CLDN16: variants seen among roughly 807,000 people sequenced by gnomAD.
The protein encoded by CLDN16 is claudin 16, also known as claudin-16.
Under a neutral mutation model 24.6 loss-of-function variants are expected in CLDN16, and 13 were observed. The ratio of observed to expected loss-of-function variants is 0.53; its 90% confidence interval spans 0.34 to 0.84. The LOEUF (loss-of-function observed/expected upper bound fraction) is 0.84. Among genes scored for constraint, CLDN16 ranks in the 40% least tolerant of loss-of-function variants. The probability of loss-of-function intolerance (pLI) is 0.01; values close to 1 mark genes in which losing one functional copy is unlikely to be tolerated. For synonymous variants in CLDN16, 116 were observed against 106.7 expected (o/e 1.09, Z -0.54); for missense variants, 298 against 292.7 (o/e 1.02, Z -0.13).
intron 1 of CLDN16, among the ~76,000 whole-genome samples, chr3:190,341,304 G>A (rs766131840): frequency 2.0e-5 from 3 of 152,168 alleles, no homozygotes; most frequent in Non-Finnish European, 4.4e-5. Context: ...TGGATATCAA[G>A]GTGTTTCCAT....
At chr3:190,408,763 A>G (rs1050162276) in intron 4 of CLDN16, among the ~76,000 whole-genome samples, 3 of 149,700 alleles carry the variant, frequency 2.0e-5, no homozygotes, top group Non-Finnish European at 4.4e-5. Flanking sequence ...ATCTTGATGT[A>G]TTACAATTAT....
chr3:190,361,872 T>G (rs1198692459), intron 1 of CLDN16, among the ~76,000 whole-genome samples: 2 of 151,920 alleles, frequency 1.3e-5, no homozygotes, highest in Non-Finnish European at 2.9e-5. Flanking sequence ...CCATCTTTCC[T>G]TTTTTTGTTA....
At chr3:190,342,944 G>A (rs1423601934) in intron 1 of CLDN16, among the ~76,000 whole-genome samples, 1 of 152,038 alleles carries the variant, frequency 6.6e-6, no homozygotes, top group African/African-American at 2.4e-5. Flanking sequence ...AGCTACAAAA[G>A]CAAAAGTAAA....
chr3:190,348,215 A>G (rs1323157509), intron 1 of CLDN16, among the ~76,000 whole-genome samples: 1 of 142,326 alleles, frequency 7.0e-6, no homozygotes, highest in Non-Finnish European at 1.5e-5. Flanking sequence ...AGATGGTGCC[A>G]CTACACTCCA....
chr3:190,370,624 G>A (rs896848361), intron 1 of CLDN16, among the ~76,000 whole-genome samples: 2 of 151,870 alleles, frequency 1.3e-5, no homozygotes, highest in Admixed American at 6.6e-5. Flanking sequence ...TTGATTTTAA[G>A]TGCACTCATG....
intron 1 of CLDN16, among the ~76,000 whole-genome samples, chr3:190,342,089 G>A (rs1312702557): frequency 6.6e-6 from 1 of 152,152 alleles, no homozygotes; most frequent in Admixed American, 6.5e-5. Flanking sequence ...ACATCTTCCT[G>A]TCTTCTTCTG....
At chr3:190,363,596 A>ATATATATT (rs1460049752) in intron 1 of CLDN16, among the ~76,000 whole-genome samples, 6 of 131,162 alleles carry the variant, frequency 4.6e-5, no homozygotes, top group Non-Finnish European at 8.1e-5. Flanking sequence ...ATATATATAT[A>ATATATATT]TTTTCTTTCT....
At chr3:190,323,251 C>G (rs1716983277) in intron 1 of CLDN16, among the ~76,000 whole-genome samples, 1 of 152,216 alleles carries the variant, frequency 6.6e-6, no homozygotes, top group Non-Finnish European at 1.5e-5. Context: ...TCAGAGGGAC[C>G]TGGCCAGTGC....
chr3:190,303,518 A>G, the CLDN16 span, among the ~76,000 whole-genome samples: 1 of 151,928 alleles, frequency 6.6e-6, no homozygotes, highest in African/African-American at 2.4e-5. Flanking sequence ...TTTTTTTTCT[A>G]TTTTGGAAAA....
At chr3:190,395,029 T>C (rs1718780918) in intron 1 of CLDN16, among the ~76,000 whole-genome samples, 1 of 152,054 alleles carries the variant, frequency 6.6e-6, no homozygotes, top group Non-Finnish European at 1.5e-5. Context: ...TTGTAATAAT[T>C]TACTCAACAT....
chr3:190,334,996 T>G (rs960026915), intron 1 of CLDN16, among the ~76,000 whole-genome samples: 4 of 151,352 alleles, frequency 2.6e-5, no homozygotes, highest in African/African-American at 9.8e-5. Context: ...TCTTTTCTTT[T>G]TATTCTTTTC....
At chr3:190,360,080 A>G (rs1717856256) in intron 1 of CLDN16, among the ~76,000 whole-genome samples, 1 of 152,000 alleles carries the variant, frequency 6.6e-6, no homozygotes, top group African/African-American at 2.4e-5. Flanking sequence ...TGTAGAATGA[A>G]AAAGAAACTG....
At chr3:190,301,325 T>A in the CLDN16 span, among the ~76,000 whole-genome samples, 1 of 152,012 alleles carries the variant, frequency 6.6e-6, no homozygotes, top group Non-Finnish European at 1.5e-5. Context: ...TGAATCCCAG[T>A]CTCTGCCAAA....
In CLDN16 at chr3:190,339,281, T is replaced by C. The variant is rs571115322; in HGVS notation, n.121+16620T>C. On this transcript the variant is annotated intron_variant and non_coding_transcript_variant, in intron 1 of 4. Transcript: ENST00000468220. ...TACTCTGCTTCTAGGCTTCTGGGCC[T>C]AACTCAATTACATGTGGCAATGGCT... is the stretch of plus-strand genomic sequence containing the variant. Among the ~76,000 whole-genome samples the C allele has an allele frequency of 2.0e-5, 3 of 152,336 alleles. No homozygotes were observed. In the South Asian group the frequency reaches 6.2e-4, roughly 32 times the overall value.
chr3:190,293,684 C>T, the CLDN16 span, among the ~76,000 whole-genome samples: 1 of 152,052 alleles, frequency 6.6e-6, no homozygotes, highest in Non-Finnish European at 1.5e-5. Context: ...TAAACTATAG[C>T]TAACAGGATT....
At chr3:190,314,522 G>A in the CLDN16 span, among the ~76,000 whole-genome samples, 1 of 151,812 alleles carries the variant, frequency 6.6e-6, no homozygotes, top group Non-Finnish European at 1.5e-5. Context: ...AGCCTCCTGA[G>A]TAGCTGGGAC....
At chr3:190,300,489 T>A in the CLDN16 span, among the ~76,000 whole-genome samples, 1 of 152,312 alleles carries the variant, frequency 6.6e-6, no homozygotes, top group African/African-American at 2.4e-5. Flanking sequence ...CTAAAGCTGG[T>A]CCACAGCCTG....
chr3:190,365,317 C>T (rs955169544), intron 1 of CLDN16, among the ~76,000 whole-genome samples: 1 of 151,630 alleles, frequency 6.6e-6, no homozygotes, highest in Non-Finnish European at 1.5e-5. Context: ...GGATAGCCAC[C>T]ACTTATCTTT....
intron 3 of CLDN16, among the ~76,000 whole-genome samples, chr3:190,377,130 C>A (rs1425110): frequency 0.94 from 143,204 of 151,964 alleles, 67,528 homozygotes; most frequent in East Asian, 1. Context: ...ATTTCAGAAC[C>A]GCAAGAAAAC....
Sources: gnomAD v4.1 joint callset for allele counts (sites outside exome capture counted in the v4.1 genomes callset) on GRCh38, gnomAD v4.1.1 for gene constraint, MANE v1.5 for transcripts, NCBI Gene and HGNC (gene_info 2026-07-23, HGNC 2026-07-21) for gene names.